Variants in EDA observed in about 807,000 individuals in gnomAD.
The protein encoded by EDA is ectodysplasin A, also known as ectodysplasin-A.
EDA carries 2 observed loss-of-function variants against 23.6 expected under a neutral mutation model. That is an observed-to-expected ratio of 0.08 (90% CI 0.03 to 0.27). The LOEUF (loss-of-function observed/expected upper bound fraction) is 0.27. Ranked by LOEUF, EDA falls within the 10% of genes least tolerant of loss-of-function variation. EDA has a pLI of 1.00. For synonymous variants in EDA, 131 were observed against 132.0 expected, an observed-to-expected ratio of 0.99 and a Z score of 0.05; for missense variants, 229 against 324.2, an observed-to-expected ratio of 0.71 and a Z score of 2.26.
chrX:69,863,298 C>G (rs1417360786), intron 1 of EDA, among the ~76,000 whole-genome samples: 2 of 108,919 alleles, frequency 1.8e-5, no homozygotes, highest in African/African-American at 3.3e-5. Context: ...TATGGTCTAC[C>G]CATTGACAAG....
intron 1 of EDA, among the ~76,000 whole-genome samples, chrX:69,715,553 C>T (rs1456226762): frequency 1.8e-5 from 2 of 111,589 alleles, no homozygotes; most frequent in African/African-American, 3.3e-5. Context: ...AGTGAACATA[C>T]GCCACATGCA....
At chrX:69,751,162 A>T (rs2013835910) in intron 1 of EDA, among the ~76,000 whole-genome samples, 1 of 104,938 alleles carries the variant, frequency 9.5e-6, no homozygotes, top group Non-Finnish European at 2.0e-5. Context: ...TTTTAGGTCT[A>T]ACATTTAAGT....
intron 1 of EDA, among the ~76,000 whole-genome samples, chrX:69,652,922 G>T (rs1246721213): frequency 4.5e-5 from 5 of 111,690 alleles, no homozygotes; most frequent in Non-Finnish European, 5.6e-5. Context: ...GATGCCTCCA[G>T]CTTTGTTCTT....
At chrX:69,681,744 C>A (rs1181267922) in intron 1 of EDA, among the ~76,000 whole-genome samples, 1 of 110,558 alleles carries the variant, frequency 9.0e-6, no homozygotes, top group Non-Finnish European at 1.9e-5. Flanking sequence ...TCAAAGTTTT[C>A]AACTTCTTTG....
intron 1 of EDA, among the ~76,000 whole-genome samples, chrX:69,638,264 G>A (rs991239934): frequency 6.3e-5 from 7 of 111,567 alleles, no homozygotes; most frequent in African/African-American, 2.0e-4. Context: ...AAACAATCAC[G>A]TTGTACTAGA....
At chrX:69,831,685 G>C (rs11094134) in intron 1 of EDA, among the ~76,000 whole-genome samples, 29,132 of 111,378 alleles carry the variant, frequency 0.26, 2,838 homozygotes, top group African/African-American at 0.32. Context: ...CAGTGTAAAA[G>C]TTCCTGTTTC....
intron 1 of EDA, among the ~76,000 whole-genome samples, chrX:69,660,389 T>C (rs778991305): frequency 4.2e-4 from 47 of 110,755 alleles, no homozygotes; most frequent in African/African-American, 1.5e-3. Flanking sequence ...ATGTGCACAA[T>C]GTGCAGGTTT....
At chrX:69,847,795 C>T (rs1228677419) in intron 1 of EDA, among the ~76,000 whole-genome samples, 1 of 111,059 alleles carries the variant, frequency 9.0e-6, no homozygotes, top group Non-Finnish European at 1.9e-5. Flanking sequence ...TTTATGTGAA[C>T]ATAAGTTTTC....
intron 1 of EDA, among the ~76,000 whole-genome samples, chrX:69,763,904 C>T (rs1278116467): frequency 2.7e-5 from 3 of 111,624 alleles, no homozygotes; most frequent in Middle Eastern, 4.2e-3. Context: ...CATCCATCAG[C>T]TACATTGAGC....
At chrX:69,693,440 C>T (rs1278191526) in intron 1 of EDA, among the ~76,000 whole-genome samples, 3 of 111,478 alleles carry the variant, frequency 2.7e-5, no homozygotes, top group East Asian at 2.8e-4. Flanking sequence ...TATATACTAT[C>T]GTTACTATAA....
intron 2 of EDA, among the ~76,000 whole-genome samples, chrX:69,981,177 T>C (rs755195020): frequency 2.7e-5 from 3 of 111,692 alleles, no homozygotes; most frequent in South Asian, 3.8e-4. Context: ...TCATCTCTCT[T>C]TACCGCTAGA....
At chrX:69,659,510 T>C (rs2147253013) in intron 1 of EDA, among the ~76,000 whole-genome samples, 1 of 111,933 alleles carries the variant, frequency 8.9e-6, no homozygotes, top group East Asian at 2.8e-4. Flanking sequence ...ATATAGGAAC[T>C]AGAAATCTAT....
At chrX:69,781,452 A>C (rs1378781462) in intron 1 of EDA, among the ~76,000 whole-genome samples, 1 of 111,737 alleles carries the variant, frequency 8.9e-6, no homozygotes, top group Non-Finnish European at 1.9e-5. Flanking sequence ...ACATTCATTC[A>C]TTTACGTATT....
At chrX:69,840,712 AT>A (rs1569351882) in intron 1 of EDA, among the ~76,000 whole-genome samples, 4 of 112,012 alleles carry the variant, frequency 3.6e-5, no homozygotes, top group Non-Finnish European at 3.8e-5. Context: ...ACATAAATTT[AT>A]TTTCTCATAG....
At chrX:69,765,823 C>T (rs2014453464) in intron 1 of EDA, among the ~76,000 whole-genome samples, 2 of 111,204 alleles carry the variant, frequency 1.8e-5, no homozygotes, top group South Asian at 7.6e-4. Context: ...ACAATTCCAT[C>T]ACCACGAAGA....
chrX:69,944,901 C>T (rs1407059916), intron 1 of EDA, among the ~76,000 whole-genome samples: 4 of 112,048 alleles, frequency 3.6e-5, no homozygotes, highest in Admixed American at 9.4e-5. Context: ...TCTAATGCTC[C>T]TTCCATGGTT....
At chrX:69,743,935 T>G (rs982296969) in intron 1 of EDA, among the ~76,000 whole-genome samples, 2 of 111,927 alleles carry the variant, frequency 1.8e-5, no homozygotes, top group African/African-American at 6.5e-5. Context: ...TAAAGACTAT[T>G]ATATAATGTT....
At chrX:69,745,126 A>G (rs1360241306) in intron 1 of EDA, among the ~76,000 whole-genome samples, 1 of 112,034 alleles carries the variant, frequency 8.9e-6, no homozygotes, top group Non-Finnish European at 1.9e-5. Context: ...AGTGAAGGGC[A>G]GGAATGGGTA....
chrX:69,934,777 A>T (rs1042085965), intron 1 of EDA, among the ~76,000 whole-genome samples: 4 of 111,862 alleles, frequency 3.6e-5, no homozygotes, highest in Non-Finnish European at 7.5e-5. Flanking sequence ...ATTGCAAACA[A>T]TCCAATTATA....
Sources: allele counts gnomAD v4.1 joint callset (sites outside exome capture counted in the v4.1 genomes callset), GRCh38; gene constraint gnomAD v4.1.1; transcripts MANE v1.5; gene names NCBI Gene and HGNC (gene_info 2026-07-23, HGNC 2026-07-21).